The following RAPGEF5 variants were observed in gnomAD, a reference collection of about 807,000 sequenced individuals.
RAPGEF5 encodes M-Ras-regulated GEF.
RAPGEF5 carries 65 observed loss-of-function variants against 125.2 expected under a neutral mutation model. That is an observed-to-expected ratio of 0.52 (90% CI 0.43 to 0.64). The LOEUF is 0.64. Among genes scored for constraint, RAPGEF5 ranks in the 30% least tolerant of loss-of-function variants. RAPGEF5 has a pLI of 0.00. For missense variants in RAPGEF5, 958 were observed against 1,048.1 expected, an observed-to-expected ratio of 0.91 and a Z score of 1.19; for synonymous variants, 391 against 385.9, an observed-to-expected ratio of 1.01 and a Z score of -0.16.
intron 14 of RAPGEF5, among the ~76,000 whole-genome samples, chr7:22,160,028 G>C (rs144119866): frequency 0.023 from 3,574 of 152,246 alleles, 50 homozygotes; most frequent in Middle Eastern, 0.065. Context: ...AAAATCGCTC[G>C]AACCCAGGAG....
chr7:22,320,864 C>G (rs776276930), intron 1 of RAPGEF5, among the ~76,000 whole-genome samples: 1 of 152,122 alleles, frequency 6.6e-6, no homozygotes, highest in African/African-American at 2.4e-5. Flanking sequence ...CCCATGAATT[C>G]TTTTTCTTGA....
chr7:22,318,090 C>G (rs1039758687), intron 1 of RAPGEF5, 53 bp from the exon 2 acceptor site: 1 of 1,433,078 alleles, frequency 7.0e-7, no homozygotes, highest in African/African-American at 1.5e-5. Flanking sequence ...ACTTTTGTAC[C>G]AAAAAATGAA....
rs114228099 is a variant in RAPGEF5, at chr7:22,140,997, G to T, written c.2187-882C>A. Among the ~76,000 whole-genome samples, 1,127 of 152,244 alleles carry T rather than the reference G, an allele frequency of 7.4e-3. 18 individuals carry two copies. The highest frequency in any genetic ancestry group is 0.026 in the African/African-American group (1,080 of 41,552). On this transcript the variant is annotated intron_variant, in intron 20 of 25. Transcript: ENST00000665637. ...GCAGTAAGCAGAGCGTGTATCAGGGGCCTTGTGATGTTTGTTTAGCTTCCC... is the reference window on the plus strand; with the variant it reads ...GCAGTAAGCAGAGCGTGTATCAGGGTCCTTGTGATGTTTGTTTAGCTTCCC...
chr7:22,287,776 G>A (rs1782831515), intron 6 of RAPGEF5, among the ~76,000 whole-genome samples: 1 of 152,184 alleles, frequency 6.6e-6, no homozygotes, highest in South Asian at 2.1e-4. Context: ...TTATGAAGAG[G>A]TAGACTGAGT....
intron 11 of RAPGEF5, among the ~76,000 whole-genome samples, chr7:22,169,030 T>C (rs1784259557): frequency 6.6e-6 from 1 of 152,212 alleles, no homozygotes; most frequent in Non-Finnish European, 1.5e-5. Flanking sequence ...CACTGCAATA[T>C]GTTAGCAATC....
At chr7:22,125,740 G>T in intron 24 of RAPGEF5, 82 bp from the exon 25 acceptor site, 1 of 1,260,596 alleles carries the variant, frequency 7.9e-7, no homozygotes, top group Non-Finnish European at 1.2e-6. Flanking sequence ...AGGATGGAAG[G>T]ATAATCTAGC....
chr7:22,198,906 T>C (rs149150677), intron 9 of RAPGEF5, among the ~76,000 whole-genome samples: 3 of 152,182 alleles, frequency 2.0e-5, no homozygotes, highest in Non-Finnish European at 2.9e-5. Context: ...GAAGCTGAGA[T>C]TGAACCCAGA....
chr7:22,270,344 G>A (rs529211745), intron 6 of RAPGEF5, among the ~76,000 whole-genome samples: 15 of 152,234 alleles, frequency 9.9e-5, no homozygotes, highest in African/African-American at 2.4e-4. Flanking sequence ...AGACAGACCC[G>A]GTACCAACAT....
chr7:22,203,554 G>A (rs900834611), intron 9 of RAPGEF5, among the ~76,000 whole-genome samples: 1 of 152,174 alleles, frequency 6.6e-6, no homozygotes, highest in Non-Finnish European at 1.5e-5. Flanking sequence ...TGCCAGCCAC[G>A]GTCACCTGAA....
chr7:22,190,047 C>T (rs1023365251), intron 11 of RAPGEF5, among the ~76,000 whole-genome samples: 1 of 152,076 alleles, frequency 6.6e-6, no homozygotes, highest in African/African-American at 2.4e-5. Flanking sequence ...TTTAGGAGGC[C>T]GAGGCAGGTG....
At position 22,129,710 on chromosome 7, in the gene RAPGEF5, A is replaced by G. The variant is rs528488658; in HGVS notation, c.2481+1327T>C. Among the ~76,000 whole-genome samples, 66 of 152,082 alleles carry G rather than the reference A, an allele frequency of 4.3e-4. 1 individual carries two copies. The highest frequency in any genetic ancestry group is 1.5e-3 in the African/African-American group (62 of 41,572). On this transcript the variant is annotated intron_variant, in intron 24 of 25. Coordinates refer to ENST00000665637, the MANE Select transcript of RAPGEF5 (RefSeq NM_012294.5). ...GCTCTGATTCCAAAACACTTACTGCAGAGACAAACTTGAAAATGTATTGAC... is the reference window on the plus strand; with the variant it reads ...GCTCTGATTCCAAAACACTTACTGCGGAGACAAACTTGAAAATGTATTGAC...
intron 8 of RAPGEF5, among the ~76,000 whole-genome samples, chr7:22,221,988 T>C (rs1052932836): frequency 6.6e-6 from 1 of 152,212 alleles, no homozygotes; most frequent in Non-Finnish European, 1.5e-5. Context: ...GGCTCATGCC[T>C]GTGATCCCAG....
At chr7:22,139,884 C>G (rs1215747145) in intron 21 of RAPGEF5, 141 bp downstream of exon 21, 1 of 694,884 alleles carries the variant, frequency 1.4e-6, no homozygotes, top group African/African-American at 1.8e-5. Context: ...CGTTTAAAGA[C>G]CATTTGATCA....
chr7:22,192,728 G>A (rs1017463093), intron 11 of RAPGEF5: 7 of 152,540 alleles, frequency 4.6e-5, no homozygotes, highest in African/African-American at 7.2e-5. Context: ...TTCCAAAAGT[G>A]TATGGGTGAA....
At chr7:22,328,620 A>G (rs989728841) in intron 1 of RAPGEF5, among the ~76,000 whole-genome samples, 1 of 152,250 alleles carries the variant, frequency 6.6e-6, no homozygotes, top group African/African-American at 2.4e-5. Flanking sequence ...TTATCTAAAC[A>G]TCTGTTACCA....
intron 11 of RAPGEF5, among the ~76,000 whole-genome samples, chr7:22,174,262 T>C (rs1388710938): frequency 6.6e-6 from 1 of 152,106 alleles, no homozygotes; most frequent in South Asian, 2.1e-4. Context: ...CCAAGAAGAA[T>C]TGGAGGAGGA....
intron 7 of RAPGEF5, among the ~76,000 whole-genome samples, chr7:22,249,766 A>G (rs1786571624): frequency 1.3e-5 from 2 of 152,188 alleles, no homozygotes; most frequent in South Asian, 4.1e-4. Flanking sequence ...ACACCAGCTC[A>G]TTCCCTAACT....
intron 11 of RAPGEF5, among the ~76,000 whole-genome samples, chr7:22,177,876 A>G (rs187743258): frequency 1.2e-4 from 18 of 152,346 alleles, no homozygotes; most frequent in Non-Finnish European, 1.9e-4. Flanking sequence ...AAAATGCAGG[A>G]AAGTAACAGA....
rs181962714 is a variant in RAPGEF5 at position 22,155,204 on chromosome 7, A to C, written c.1637-600T>G. 2.0e-4 allele frequency among the ~76,000 whole-genome samples: 31 copies of C among 152,316 alleles called. No individual in the cohort carries two copies. In the East Asian group the frequency reaches 5.6e-3, roughly 27 times the overall value. Reference sequence around the variant, plus strand: ...ATTTCTCCCATCAAGGTAGTGATGAATTTAGTTTCCAAATGGAGGTCACAT... The same window carrying C: ...ATTTCTCCCATCAAGGTAGTGATGACTTTAGTTTCCAAATGGAGGTCACAT... On this transcript the variant is annotated intron_variant, in intron 16 of 25. Coordinates refer to ENST00000665637, the MANE Select transcript of RAPGEF5 (RefSeq NM_012294.5).
Sources: allele counts gnomAD v4.1 joint callset (sites outside exome capture counted in the v4.1 genomes callset), GRCh38; gene constraint gnomAD v4.1.1; transcripts MANE v1.5; gene names NCBI Gene and HGNC (gene_info 2026-07-23, HGNC 2026-07-21).